Variants in PGR observed in about 807,000 individuals in gnomAD.
PGR encodes nuclear receptor subfamily 3 group C member 3.
A neutral mutation model predicts 76.1 loss-of-function variants in PGR; 25 were observed. That is an observed-to-expected ratio of 0.33 (90% CI 0.24 to 0.46). The LOEUF is 0.46. PGR is among the 20% of genes least tolerant of loss of function. The pLI, the probability that PGR is intolerant of heterozygous loss-of-function variation, is 1.00. For missense variants in PGR, 1,172 were observed against 1,225.3 expected, an observed-to-expected ratio of 0.96 and a Z score of 0.65; for synonymous variants, 579 against 535.0, an observed-to-expected ratio of 1.08 and a Z score of -1.14.
rs187580155 is a variant in PGR at position 101,033,623 on chromosome 11, A to G, written c.*5493T>C. The G allele has an allele frequency of 2.0e-5, 4 of 199,516 alleles. No homozygotes were observed. Among genetic ancestry groups the G allele is most frequent in the African/African-American group, 9.2e-5 (4 of 43,672 alleles). 12.4% of individuals were successfully genotyped at this position (199,516 alleles called of 1,614,324 possible). On this transcript the variant is annotated 3_prime_UTR_variant, in exon 8 of 8. Coordinates refer to ENST00000325455, the MANE Select transcript of PGR (RefSeq NM_000926.4). ...TCTTTGAATAACAAAACATTAAGAA[A>G]ACACAATAACTATTTCTTAATAGAA...
At chr11:101,050,191 T>G in intron 5 of PGR, 132 bp from the exon 6 acceptor site, 1 of 855,612 alleles carries the variant, frequency 1.2e-6, no homozygotes, top group Non-Finnish European at 1.9e-6. Context: ...ACTACTACTT[T>G]TAATAAACAA....
Position 101,062,345 on chromosome 11 carries a change from T to C in PGR, c.2212+102A>G, listed in dbSNP as rs143750824. On this transcript the variant is annotated intron_variant, in intron 4 of 7. Coordinates refer to ENST00000325455, the MANE Select transcript of PGR (RefSeq NM_000926.4). ...ACATACTATCACATACTGTTTTATATTGTAGTTAATTTACTGCATAGAGTG... is the reference window on the plus strand; with the variant it reads ...ACATACTATCACATACTGTTTTATACTGTAGTTAATTTACTGCATAGAGTG... The C allele has an allele frequency of 6.5e-5, 56 of 865,392 alleles. No individual in the cohort carries two copies. In the East Asian group the frequency reaches 9.5e-4, roughly 15 times the overall value. 53.6% of individuals were successfully genotyped at this position (865,392 alleles called of 1,614,324 possible).
At chr11:101,084,452 G>T (rs1861422936) in intron 3 of PGR, among the ~76,000 whole-genome samples, 1 of 152,090 alleles carries the variant, frequency 6.6e-6, no homozygotes, top group African/African-American at 2.4e-5. Context: ...GAGACCAGGA[G>T]TTCAAGACCA....
At chr11:101,075,824 G>A (rs1180822369) in intron 3 of PGR, among the ~76,000 whole-genome samples, 1 of 152,150 alleles carries the variant, frequency 6.6e-6, no homozygotes, top group East Asian at 1.9e-4. Flanking sequence ...AACAATAGAT[G>A]CCGGAAAAGA....
At chr11:101,067,900 C>G (rs1860778904) in intron 3 of PGR, among the ~76,000 whole-genome samples, 1 of 151,808 alleles carries the variant, frequency 6.6e-6, no homozygotes, top group Non-Finnish European at 1.5e-5. Flanking sequence ...ACTAAAAAAT[C>G]TATTAGTGAG....
At chr11:101,045,950 C>A (rs1263670878) in intron 6 of PGR, among the ~76,000 whole-genome samples, 1 of 151,990 alleles carries the variant, frequency 6.6e-6, no homozygotes, top group African/African-American at 2.4e-5. Context: ...TACTAATTTT[C>A]TGGACTACTT....
intron 2 of PGR, among the ~76,000 whole-genome samples, chr11:101,119,818 G>A (rs1401942303): frequency 6.6e-6 from 1 of 152,144 alleles, no homozygotes; most frequent in East Asian, 1.9e-4. Context: ...ATTAATATTT[G>A]CTCAAATACA....
intron 2 of PGR, among the ~76,000 whole-genome samples, chr11:101,115,831 T>C (rs373782657): frequency 7.2e-5 from 11 of 152,226 alleles, no homozygotes; most frequent in African/African-American, 1.9e-4. Context: ...GGCTGCTACA[T>C]TGCAAAAAGC....
At position 101,129,079 on chromosome 11, in the gene PGR, G is replaced by T; in HGVS notation, c.-9C>A. ...GCCTTCAGCTCAGTCATGACGACTG[G>T]ACTCCCCTTTTCTCCTCCCCCGTCT... On this transcript the variant is annotated 5_prime_UTR_variant, in exon 1 of 8. Coordinates refer to ENST00000325455, the MANE Select transcript of PGR (RefSeq NM_000926.4). 6.6e-7 allele frequency: 1 copy of T among 1,520,816 alleles called. No individual in the cohort carries two copies. 94.2% of individuals were successfully genotyped at this position (1,520,816 alleles called of 1,614,324 possible). A position where few individuals can be genotyped will look rare whatever the true frequency, so the allele number is the denominator to read the frequency against.
At chr11:101,049,090 A>G (rs1859996210) in intron 6 of PGR, among the ~76,000 whole-genome samples, 1 of 152,036 alleles carries the variant, frequency 6.6e-6, no homozygotes, top group Non-Finnish European at 1.5e-5. Context: ...CTATTTTTAA[A>G]TATTTTCTTT....
In PGR at chr11:101,057,908, T is replaced by C. The variant is rs370545646; in HGVS notation, c.2212+4539A>G. Among the ~76,000 whole-genome samples, 124 of 152,300 alleles carry C rather than the reference T, an allele frequency of 8.1e-4. 2 individuals carry two copies. The South Asian group carries it at 0.021, about 25-fold the overall frequency. ...TGTAGAGGGTCTGGCTAATATTATGTATTTAGGAGTCATCGAAATATAGTG... is the reference window on the plus strand; with the variant it reads ...TGTAGAGGGTCTGGCTAATATTATGCATTTAGGAGTCATCGAAATATAGTG... On this transcript the variant is annotated intron_variant, in intron 4 of 7. Coordinates refer to ENST00000325455, the MANE Select transcript of PGR (RefSeq NM_000926.4).
chr11:101,065,210 C>G (rs971718352), intron 3 of PGR, among the ~76,000 whole-genome samples: 5 of 152,190 alleles, frequency 3.3e-5, no homozygotes, highest in African/African-American at 7.2e-5. Flanking sequence ...TAATGTAGAT[C>G]TGAAGCTTTA....
At chr11:101,082,457 G>A (rs1861344221) in intron 3 of PGR, among the ~76,000 whole-genome samples, 1 of 152,166 alleles carries the variant, frequency 6.6e-6, no homozygotes. Flanking sequence ...AAAGATATGG[G>A]AATGTTTGGA....
intron 2 of PGR, among the ~76,000 whole-genome samples, chr11:101,101,906 G>A (rs1862008381): frequency 6.6e-6 from 1 of 152,106 alleles, no homozygotes; most frequent in South Asian, 2.1e-4. Context: ...AGCTCTTTGG[G>A]CTTGTAGCAA....
Position 101,032,460 on chromosome 11 carries a change from C to T in PGR, c.*6656G>A, listed in dbSNP as rs899562834. ...TGTACAAGGCCACTGATTATCTAGA[C>T]CTGGCTTTCTTCTTCAGTCTCATCA... On this transcript the variant is annotated 3_prime_UTR_variant, in exon 8 of 8. Coordinates refer to ENST00000325455, the MANE Select transcript of PGR (RefSeq NM_000926.4). The T allele has an allele frequency of 4.3e-5, 10 of 232,528 alleles. No homozygotes were observed. Among genetic ancestry groups the T allele is most frequent in the African/African-American group, 2.0e-4 (9 of 45,282 alleles). The allele number at this position is 232,528 out of a possible 1,614,324, so 14.4% of individuals were successfully genotyped here. A position where few individuals can be genotyped will look rare whatever the true frequency, so the allele number is the denominator to read the frequency against.
At chr11:101,099,956 T>G (rs1861946653) in intron 2 of PGR, among the ~76,000 whole-genome samples, 1 of 152,198 alleles carries the variant, frequency 6.6e-6, no homozygotes. Context: ...TTATTTGTTC[T>G]TCCCTTTAGG....
At chr11:101,060,962 A>G (rs1179759426) in intron 4 of PGR, among the ~76,000 whole-genome samples, 1 of 152,196 alleles carries the variant, frequency 6.6e-6, no homozygotes, top group Admixed American at 6.5e-5. Context: ...CATCTTTTCA[A>G]GTATAACTGG....
At chr11:101,072,818 TA>T (rs1220363041) in intron 3 of PGR, among the ~76,000 whole-genome samples, 2 of 152,192 alleles carry the variant, frequency 1.3e-5, no homozygotes, top group African/African-American at 4.8e-5. Flanking sequence ...TTCAGATTCA[TA>T]AAGCAAGTTC....
At chr11:101,124,114 T>C (rs35595684) in intron 2 of PGR, among the ~76,000 whole-genome samples, 6,797 of 152,280 alleles carry the variant, frequency 0.045, 211 homozygotes, top group Admixed American at 0.087. Flanking sequence ...TCATGAATGA[T>C]TTATCTGCAT....
Sources: gnomAD v4.1 joint callset for allele counts (sites outside exome capture counted in the v4.1 genomes callset) on GRCh38, gnomAD v4.1.1 for gene constraint, MANE v1.5 for transcripts, NCBI Gene and HGNC (gene_info 2026-07-23, HGNC 2026-07-21) for gene names.